The following OBI1 variants were observed in gnomAD, a reference collection of about 807,000 sequenced individuals.
OBI1 encodes ring finger protein 219.
A neutral mutation model predicts 62.4 loss-of-function variants in OBI1; 59 were observed. The ratio of observed to expected loss-of-function variants is 0.95; its 90% confidence interval spans 0.77 to 1.17. The LOEUF is 1.17. Ranked by LOEUF, OBI1 falls within the 50% of genes most tolerant of loss-of-function variation. The pLI is 0.00. For missense variants in OBI1, 875 were observed against 830.9 expected (o/e 1.05, Z -0.65); for synonymous variants, 302 against 292.8 (o/e 1.03, Z -0.32).
At chr13:78,622,273 T>A (rs1875535185) in intron 5 of OBI1, among the ~76,000 whole-genome samples, 1 of 151,582 alleles carries the variant, frequency 6.6e-6, no homozygotes, top group South Asian at 2.1e-4. Flanking sequence ...TGAGATCATG[T>A]CTCTCCAAAA....
chr13:78,648,636 G>A (rs574543909), intron 1 of OBI1, among the ~76,000 whole-genome samples: 5 of 152,122 alleles, frequency 3.3e-5, no homozygotes, highest in South Asian at 2.1e-4. Flanking sequence ...TCAGTAGGTC[G>A]GGCACGGTGG....
In OBI1 at chr13:78,615,983, T is replaced by C; in HGVS notation, c.1778A>G (p.Lys593Arg). The C allele has an allele frequency of 6.2e-7, 1 of 1,614,030 alleles. No homozygotes were observed. The highest frequency in any genetic ancestry group is 8.5e-7 in the Non-Finnish European group (1 of 1,180,002). The change falls in exon 6 of 6, where the codon AAA (lysine) becomes AGA (arginine). Residue 593 changes from lysine (K) to arginine (R), a missense_variant. Transcript: ENST00000282003. The part of the protein sequence containing the change: ...LEEKTELNLS[K>R]GSLTNDQLEN... ...TAACTGATCATTAGTTAGAGAACCT[T>C]TGGAAAGGTTTAGCTCAGTTTTTTC...
At chr13:78,650,401 C>T (rs1205488385) in intron 1 of OBI1, among the ~76,000 whole-genome samples, 1 of 152,144 alleles carries the variant, frequency 6.6e-6, no homozygotes, top group East Asian at 1.9e-4. Flanking sequence ...GTATAACTGC[C>T]TTCTCTAATG....
At chr13:78,636,649 T>C (rs1489274375) in intron 4 of OBI1, among the ~76,000 whole-genome samples, 2 of 152,170 alleles carry the variant, frequency 1.3e-5, no homozygotes, top group African/African-American at 4.8e-5. Context: ...CTTATCTTCA[T>C]GAATGCACAC....
In OBI1 at chr13:78,639,086, C is replaced by CAT; in HGVS notation, c.301-17_301-16dup. On this transcript the variant is annotated splice_polypyrimidine_tract_variant and intron_variant, in intron 3 of 5. Coordinates refer to ENST00000282003, the MANE Select transcript of OBI1 (RefSeq NM_024546.4). The stretch of plus-strand genomic sequence containing the variant: ...TCTATTTCGTCCTGAAAAAGCATTG[C>CAT]ATAGTCATGAGGCAGGCATAGACAC... 6.2e-7 allele frequency: 1 copy of CAT among 1,609,138 alleles called. No homozygotes were observed. The highest frequency in any genetic ancestry group is 8.5e-7 in the Non-Finnish European group (1 of 1,177,708).
chr13:78,616,383 A>G lies in OBI1; in HGVS notation c.1378T>C (p.Ser460Pro), dbSNP rs937992476. 6.2e-6 allele frequency: 10 copies of G among 1,613,376 alleles called. No homozygotes were observed. The highest frequency in any genetic ancestry group is 7.6e-6 in the Non-Finnish European group (9 of 1,179,646). Residue 460 changes from serine (S) to proline (P), a missense_variant, in exon 6 of 6, where the codon TCT becomes CCT. By Grantham distance (74) the Ser-to-Pro change is moderately conservative. Coordinates refer to ENST00000282003, the MANE Select transcript of OBI1 (RefSeq NM_024546.4). ...TCCCAAAATCCTGTCTTTGGGGAAG[A>G]AAAACATTCTGATTTCTTTTCATTT... is the stretch of plus-strand genomic sequence containing the variant. ...SENEKKSECF[S>P]SPKTGFWDCC...
chr13:78,624,207 T>C (rs1033895567), intron 5 of OBI1, among the ~76,000 whole-genome samples: 1 of 152,180 alleles, frequency 6.6e-6, no homozygotes, highest in African/African-American at 2.4e-5. Flanking sequence ...ACAAGCTACG[T>C]TATGTTGCAT....
At position 78,620,362 on chromosome 13, in the gene OBI1, A is replaced by G. The variant is rs17759866; in HGVS notation, c.639-3240T>C. ...CCAAGGCAAGCCGGAGGGATTTCTA[A>G]TATCATTTACCATACTTCCTCCTTT... On this transcript the variant is annotated intron_variant, in intron 5 of 5. Transcript: ENST00000282003. Among the ~76,000 whole-genome samples the G allele has an allele frequency of 9.1e-3, 1,388 of 152,334 alleles. 9 individuals are homozygous for G. The highest frequency in any genetic ancestry group is 0.015 in the Non-Finnish European group (1,037 of 68,034).
chr13:78,633,863 C>T (rs1020340211), intron 5 of OBI1, among the ~76,000 whole-genome samples: 3 of 151,834 alleles, frequency 2.0e-5, no homozygotes, highest in East Asian at 2.0e-4. Flanking sequence ...GTCAGGAGAT[C>T]GAGACCATCT....
Position 78,616,320 on chromosome 13 carries a change from C to A in OBI1, c.1441G>T (p.Glu481Ter). The A allele has an allele frequency of 6.2e-7, 1 of 1,614,084 alleles. No individual in the cohort carries two copies. Residue 481 changes from glutamate (E) to a stop codon, truncating the protein, a stop_gained, in exon 6 of 6, where the codon GAA becomes TAA. Transcript: ENST00000282003. LOFTEE classifies it high-confidence loss of function. ...STSYAQNLDF[E>*]SSEGNTIANS... The stretch of plus-strand genomic sequence containing the variant: ...GCTATCGTGTTCCCCTCTGAACTTT[C>A]AAAATCTAAGTTTTGGGCATAGCTT...
chr13:78,630,006 T>G (rs1455879045), intron 5 of OBI1, among the ~76,000 whole-genome samples: 1 of 152,128 alleles, frequency 6.6e-6, no homozygotes. Flanking sequence ...AAGGGACCGC[T>G]TAGTACTCCT....
At chr13:78,617,446 A>C (rs1266918326) in intron 5 of OBI1, 1 of 219,316 alleles carries the variant, frequency 4.6e-6, no homozygotes, top group Admixed American at 5.0e-5. Context: ...ATGCATGAAG[A>C]GTTATCCCCT....
chr13:78,644,734 C>A, intron 2 of OBI1, 128 bp downstream of exon 2: 1 of 1,012,210 alleles, frequency 9.9e-7, no homozygotes, highest in Non-Finnish European at 1.5e-6. Context: ...ACAAATTACT[C>A]AACCACTCAG....
chr13:78,616,846 G>A lies in OBI1; in HGVS notation c.915C>T (p.Ser305=). The part of the protein sequence containing the change: ...GDSARKQPGS[S]TSSSSHLAKP... ...TCGCTAGGTGAGAAGAACTGGAGGT[G>A]GATGAGCCAGGCTGCTTTCTGGCAC... The change falls in exon 6 of 6, where the codon TCC becomes TCT. Residue 305 remains serine, a synonymous_variant. Coordinates refer to ENST00000282003, the MANE Select transcript of OBI1 (RefSeq NM_024546.4). 3.1e-6 allele frequency: 5 copies of A among 1,614,206 alleles called. No individual in the cohort carries two copies. Among genetic ancestry groups the A allele is most frequent in the Non-Finnish European group, 4.2e-6 (5 of 1,180,034 alleles).
At chr13:78,630,953 C>T (rs963054416) in intron 5 of OBI1, among the ~76,000 whole-genome samples, 21 of 152,154 alleles carry the variant, frequency 1.4e-4, no homozygotes, top group Admixed American at 3.9e-4. Flanking sequence ...ATTTACCCAG[C>T]TGCCTCTAAA....
intron 4 of OBI1, among the ~76,000 whole-genome samples, 191 bp from the exon 5 acceptor site, chr13:78,635,389 A>C (rs2137448159): frequency 6.6e-6 from 1 of 152,320 alleles, no homozygotes; most frequent in Non-Finnish European, 1.5e-5. Context: ...GCATTTTAAA[A>C]CCATATTCCC....
At chr13:78,623,270 T>TAAAAA (rs34129925) in intron 5 of OBI1, among the ~76,000 whole-genome samples, 1 of 136,198 alleles carries the variant, frequency 7.3e-6, no homozygotes. Context: ...AGAGAACATT[T>TAAAAA]AAAAAAAAAA....
At chr13:78,658,636 A>G (rs1876783769) in intron 1 of OBI1, among the ~76,000 whole-genome samples, 1 of 152,222 alleles carries the variant, frequency 6.6e-6, no homozygotes. Context: ...CAGAGGACTA[A>G]GAAGCCCGAG....
intron 5 of OBI1, among the ~76,000 whole-genome samples, chr13:78,634,874 A>G (rs545689338): frequency 1.3e-5 from 2 of 152,356 alleles, no homozygotes; most frequent in East Asian, 3.9e-4. Context: ...GTTAGGTCAC[A>G]TTATTCACCA....
Sources: gnomAD v4.1 joint callset for allele counts (sites outside exome capture counted in the v4.1 genomes callset) on GRCh38, gnomAD v4.1.1 for gene constraint, MANE v1.5 for transcripts, NCBI Gene and HGNC (gene_info 2026-07-23, HGNC 2026-07-21) for gene names.